IRF2: variants seen among roughly 807,000 people sequenced by gnomAD.
IRF2 encodes the protein interferon regulatory factor 2.
Under a neutral mutation model 40.6 loss-of-function variants are expected in IRF2, and 15 were observed. The observed-to-expected ratio is 0.37, with a 90% confidence interval of 0.25 to 0.57. The LOEUF (loss-of-function observed/expected upper bound fraction) is 0.57. IRF2 is among the 20% of genes least tolerant of loss of function. The probability of loss-of-function intolerance (pLI) is 0.77; values close to 1 mark genes in which losing one functional copy is unlikely to be tolerated. For synonymous variants in IRF2, 151 were observed against 165.5 expected (o/e 0.91, Z 0.67); for missense variants, 317 against 455.7 (o/e 0.70, Z 2.77).
At chr4:184,417,610 C>T (rs1484083356) in intron 5 of IRF2, among the ~76,000 whole-genome samples, 1 of 152,202 alleles carries the variant, frequency 6.6e-6, no homozygotes, top group Non-Finnish European at 1.5e-5. Context: ...CACACACATG[C>T]ACATCCCATG....
intron 1 of IRF2, among the ~76,000 whole-genome samples, chr4:184,456,615 C>T (rs1411824597): frequency 6.6e-6 from 1 of 152,256 alleles, no homozygotes; most frequent in African/African-American, 2.4e-5. Context: ...CCGGCTGACG[C>T]GCTTTCCTGC....
chr4:184,412,534 A>T (rs749992798), intron 5 of IRF2, among the ~76,000 whole-genome samples: 9 of 149,750 alleles, frequency 6.0e-5, no homozygotes, highest in Non-Finnish European at 1.1e-4. Flanking sequence ...ATCAAATTTA[A>T]GGACATCTCT....
At chr4:184,430,464 C>T (rs936563564) in intron 1 of IRF2, among the ~76,000 whole-genome samples, 1 of 152,206 alleles carries the variant, frequency 6.6e-6, no homozygotes, top group Non-Finnish European at 1.5e-5. Context: ...GACCTAGCCT[C>T]CTCCTCCACA....
chr4:184,392,134 C>A (rs1384194919), intron 7 of IRF2, among the ~76,000 whole-genome samples: 1 of 152,190 alleles, frequency 6.6e-6, no homozygotes, highest in Non-Finnish European at 1.5e-5. Context: ...ATTCCAGTGT[C>A]CATAACCATT....
chr4:184,437,572 T>C (rs1045733886), intron 1 of IRF2, among the ~76,000 whole-genome samples: 3 of 151,362 alleles, frequency 2.0e-5, no homozygotes, highest in Admixed American at 2.0e-4. Flanking sequence ...GAAGAAGAAA[T>C]AAGAAAGAAA....
intron 1 of IRF2, among the ~76,000 whole-genome samples, chr4:184,430,685 C>T (rs954429984): frequency 3.3e-5 from 5 of 152,174 alleles, no homozygotes; most frequent in African/African-American, 1.2e-4. Flanking sequence ...TAAGTTCTAC[C>T]GCAGGAAGAG....
chr4:184,390,973 G>A (rs935655482), intron 7 of IRF2, among the ~76,000 whole-genome samples: 2 of 152,220 alleles, frequency 1.3e-5, no homozygotes, highest in Admixed American at 6.5e-5. Context: ...GGCCAGGGCC[G>A]GGCTGTGTAT....
Position 184,448,451 on chromosome 4 carries a change from A to C in IRF2, c.-6-19381T>G, listed in dbSNP as rs1389611433. On this transcript the variant is annotated intron_variant, in intron 1 of 8. Coordinates refer to ENST00000393593, the MANE Select transcript of IRF2 (RefSeq NM_002199.4). The surrounding 1 kb of genome is among the most constrained non-coding windows in gnomAD (Gnocchi z 4.3). ...GGAGTGATGGTCCATAATTCATTTA[A>C]ATTGTTCAGTTGTGTAGAAGAGGAG... 1.3e-5 allele frequency among the ~76,000 whole-genome samples: 2 copies of C among 152,190 alleles called. No individual in the cohort carries two copies. The highest frequency in any genetic ancestry group is 1.5e-5 in the Non-Finnish European group (1 of 68,032).
intron 1 of IRF2, among the ~76,000 whole-genome samples, chr4:184,431,501 C>T (rs753688937): frequency 1.8e-4 from 27 of 152,228 alleles, no homozygotes; most frequent in Non-Finnish European, 3.1e-4. Context: ...GCTCACCCTG[C>T]AAGAGCTCTG....
chr4:184,430,002 G>A (rs1004125819), intron 1 of IRF2, among the ~76,000 whole-genome samples: 3 of 152,172 alleles, frequency 2.0e-5, no homozygotes, highest in Non-Finnish European at 2.9e-5. Context: ...GATGGGTCAG[G>A]TGCAAGCCTC....
chr4:184,473,955 C>G (rs1739628937), intron 1 of IRF2: 1 of 152,454 alleles, frequency 6.6e-6, no homozygotes. Context: ...AAATGAGGCC[C>G]GACTCCAGCT....
intron 1 of IRF2, among the ~76,000 whole-genome samples, chr4:184,439,369 G>T (rs1290796594): frequency 1.4e-5 from 2 of 142,200 alleles, no homozygotes; most frequent in East Asian, 2.0e-4. Flanking sequence ...AAAAAAAAAG[G>T]TCCCTGGCCC....
At chr4:184,404,391 G>A (rs1579808497) in intron 6 of IRF2, among the ~76,000 whole-genome samples, 1 of 152,082 alleles carries the variant, frequency 6.6e-6, no homozygotes, top group Non-Finnish European at 1.5e-5. Context: ...TATGATTTTG[G>A]TAATATGATA....
chr4:184,459,991 A>G (rs76719836), intron 1 of IRF2, among the ~76,000 whole-genome samples: 1,584 of 152,356 alleles, frequency 0.01, 24 homozygotes, highest in African/African-American at 0.037. Flanking sequence ...TGACCCAGCC[A>G]TTCTACAGAA....
At chr4:184,397,297 C>G (rs1736502835) in intron 7 of IRF2, among the ~76,000 whole-genome samples, 1 of 152,098 alleles carries the variant, frequency 6.6e-6, no homozygotes, top group Admixed American at 6.5e-5. Context: ...GCCAAATTCA[C>G]TGAGATAGAA....
chr4:184,442,442 A>T (rs987208415), intron 1 of IRF2, among the ~76,000 whole-genome samples: 7 of 152,168 alleles, frequency 4.6e-5, no homozygotes, highest in Admixed American at 4.6e-4. Flanking sequence ...AAGCAGGGCC[A>T]CCTGGGTGCT....
At chr4:184,416,812 G>C (rs1158226781) in intron 5 of IRF2, among the ~76,000 whole-genome samples, 2 of 152,180 alleles carry the variant, frequency 1.3e-5, no homozygotes, top group Non-Finnish European at 2.9e-5. Flanking sequence ...TTGGGAGACT[G>C]AGGTGGGCGA....
At chr4:184,453,117 C>G (rs1738786925) in intron 1 of IRF2, among the ~76,000 whole-genome samples, 2 of 152,122 alleles carry the variant, frequency 1.3e-5, no homozygotes, top group African/African-American at 4.8e-5. Context: ...AAACAGACAA[C>G]ATGAGAAAAC....
At chr4:184,430,798 C>A (rs1413604128) in intron 1 of IRF2, among the ~76,000 whole-genome samples, 1 of 152,102 alleles carries the variant, frequency 6.6e-6, no homozygotes, top group African/African-American at 2.4e-5. Flanking sequence ...TGGGCTCAAG[C>A]GATTTTCCCA....
Sources: gnomAD v4.1 joint callset for allele counts (sites outside exome capture counted in the v4.1 genomes callset) on GRCh38, gnomAD v4.1.1 for gene constraint, Gnocchi (gnomAD v3.1) non-coding constraint, MANE v1.5 for transcripts, NCBI Gene and HGNC (gene_info 2026-07-23, HGNC 2026-07-21) for gene names.